Variants in CAGE1 observed in about 807,000 individuals in gnomAD.
CAGE1 encodes cancer antigen 1.
CAGE1 carries 66 observed loss-of-function variants against 94.9 expected under a neutral mutation model. The observed-to-expected ratio is 0.70, with a 90% CI of 0.57 to 0.85. The LOEUF is 0.85. Ranked by LOEUF, CAGE1 falls within the 40% of genes least tolerant of loss-of-function variation. The pLI, the probability that CAGE1 is intolerant of heterozygous loss-of-function variation, is 0.00. For synonymous variants in CAGE1, 319 were observed against 321.0 expected (o/e 0.99, Z 0.07); for missense variants, 865 against 950.4 (o/e 0.91, Z 1.18).
At chr6:7,366,602 G>C (rs928318577) in intron 7 of CAGE1, among the ~76,000 whole-genome samples, 1 of 152,192 alleles carries the variant, frequency 6.6e-6, no homozygotes. Flanking sequence ...AAGAAGCCTC[G>C]CTGGTAGATG....
At chr6:7,383,343 C>T (rs1761006838) in intron 3 of CAGE1, among the ~76,000 whole-genome samples, 1 of 152,202 alleles carries the variant, frequency 6.6e-6, no homozygotes, top group Non-Finnish European at 1.5e-5. Flanking sequence ...TAGAACTTTG[C>T]AGTTCACATG....
At chr6:7,355,263 A>G (rs1216379892) in intron 10 of CAGE1, among the ~76,000 whole-genome samples, 152 bp from the exon 11 acceptor site, 2 of 152,256 alleles carry the variant, frequency 1.3e-5, no homozygotes, top group Non-Finnish European at 2.9e-5. Flanking sequence ...AATCAGGAAC[A>G]TGAAAGAAAA....
At chr6:7,354,970 A>G in intron 11 of CAGE1, 71 bp downstream of exon 11, 5 of 1,160,332 alleles carry the variant, frequency 4.3e-6, no homozygotes, top group South Asian at 2.8e-5. Flanking sequence ...TCTGAAAAAA[A>G]GAATTTAGAA....
chr6:7,369,303 T>G (rs1407043634), intron 6 of CAGE1, among the ~76,000 whole-genome samples: 4 of 152,150 alleles, frequency 2.6e-5, no homozygotes, highest in African/African-American at 9.7e-5. Flanking sequence ...CCACCGCACC[T>G]GGCCGTGCAT....
rs772411113 is a variant in CAGE1 at position 7,329,903 on chromosome 6, A to G, written c.2439-15T>C. ...AGCTTTTTGATCTGTAAGAAATAGAAAGAAAATAATGTAAAAAGGAGGAAG... is the reference window on the plus strand; with the variant it reads ...AGCTTTTTGATCTGTAAGAAATAGAGAGAAAATAATGTAAAAAGGAGGAAG... On this transcript the variant is annotated splice_polypyrimidine_tract_variant and intron_variant, in intron 12 of 13. Coordinates refer to ENST00000502583, the MANE Select transcript of CAGE1 (RefSeq NM_001170692.2). 1 of 1,313,660 alleles carries G rather than the reference A, an allele frequency of 7.6e-7. No homozygotes were observed. Among genetic ancestry groups the G allele is most frequent in the South Asian group, 1.3e-5 (1 of 77,622 alleles). 81.4% of individuals were successfully genotyped at this position (1,313,660 alleles called of 1,614,324 possible).
intron 10 of CAGE1, among the ~76,000 whole-genome samples, chr6:7,355,703 T>C (rs1215983315): frequency 6.6e-6 from 1 of 152,232 alleles, no homozygotes; most frequent in Non-Finnish European, 1.5e-5. Flanking sequence ...AATATTTCTG[T>C]AAGGCAGTTT....
chr6:7,366,622 C>T (rs1363593022), intron 7 of CAGE1, among the ~76,000 whole-genome samples: 2 of 152,224 alleles, frequency 1.3e-5, no homozygotes, highest in South Asian at 4.1e-4. Flanking sequence ...GACACTTCCA[C>T]ACCTGTGGTT....
chr6:7,333,265 C>T (rs1007982397), intron 12 of CAGE1, among the ~76,000 whole-genome samples: 3 of 152,070 alleles, frequency 2.0e-5, no homozygotes, highest in Non-Finnish European at 4.4e-5. Context: ...CTGCTGTGTT[C>T]TTAATCAACC....
chr6:7,381,553 G>A (rs1307336649), intron 3 of CAGE1, among the ~76,000 whole-genome samples: 1 of 139,614 alleles, frequency 7.2e-6, no homozygotes, highest in African/African-American at 2.6e-5. Flanking sequence ...TTTTTTTTGA[G>A]ACAGAGTCTC....
At chr6:7,333,965 GC>G (rs2113347989) in intron 12 of CAGE1, 56 bp downstream of exon 12, 1 of 1,149,796 alleles carries the variant, frequency 8.7e-7, no homozygotes, top group African/African-American at 1.5e-5. Context: ...ACCGCACTTG[GC>G]CATATTACCT....
Position 7,329,830 on chromosome 6 carries a change from G to A in CAGE1, c.2478+19C>T. On this transcript the variant is annotated intron_variant, in intron 13 of 13. Coordinates refer to ENST00000502583, the MANE Select transcript of CAGE1 (RefSeq NM_001170692.2). ...ATGGAAATGTAAGATTCTTTATCATGATCATCAAGGTGACCTACCATGGTC... is the reference window on the plus strand; with the variant it reads ...ATGGAAATGTAAGATTCTTTATCATAATCATCAAGGTGACCTACCATGGTC... The A allele has an allele frequency of 1.6e-6, 2 of 1,261,062 alleles. No homozygotes were observed. Among genetic ancestry groups the A allele is most frequent in the South Asian group, 1.3e-5 (1 of 76,798 alleles). 78.1% of individuals were successfully genotyped at this position (1,261,062 alleles called of 1,614,324 possible). A position where few individuals can be genotyped will look rare whatever the true frequency, so the allele number is the denominator to read the frequency against.
At chr6:7,379,629 G>A (rs1022705855) in intron 3 of CAGE1, among the ~76,000 whole-genome samples, 1 of 152,184 alleles carries the variant, frequency 6.6e-6, no homozygotes, top group African/African-American at 2.4e-5. Flanking sequence ...AAAACAGAAT[G>A]TTACAAATTA....
chr6:7,376,406 A>AAAT (rs1296481121), intron 4 of CAGE1, among the ~76,000 whole-genome samples: 2 of 147,128 alleles, frequency 1.4e-5, no homozygotes, highest in Non-Finnish European at 3.0e-5. Context: ...ATAAATAAAT[A>AAAT]AATAAATAAA....
At chr6:7,354,694 TTGGTG>T (rs1278414479) in intron 11 of CAGE1, among the ~76,000 whole-genome samples, 14 of 152,324 alleles carry the variant, frequency 9.2e-5, no homozygotes, top group African/African-American at 3.4e-4. Context: ...TATGTTTAAT[TTGGTG>T]TGCATTCAAT....
At chr6:7,359,603 G>A (rs1002974124) in intron 9 of CAGE1, among the ~76,000 whole-genome samples, 2 of 152,224 alleles carry the variant, frequency 1.3e-5, no homozygotes, top group African/African-American at 4.8e-5. Flanking sequence ...TTGGAGAGCT[G>A]CTCCCCGGGC....
chr6:7,378,691 CTG>C lies in CAGE1; in HGVS notation c.611_612del (p.Thr204ArgfsTer6), dbSNP rs747063326. The C allele has an allele frequency of 4.9e-5, 79 of 1,612,978 alleles. No individual in the cohort carries two copies. The highest frequency in any genetic ancestry group is 5.9e-5 in the Non-Finnish European group (70 of 1,179,692). ...IHCSGEMLKFTEKSLAKSIAK... is the reference protein window; with the variant it reads ...IHCSGEMLKFXEKSLAKSIAK... The stretch of plus-strand genomic sequence containing the variant: ...GCAATACTTTTAGCCAGTGACTTTT[CTG>C]TAAATTTCAGCATCTCTCCACTGCA... On this transcript the variant is annotated frameshift_variant, in exon 4 of 14. Transcript: ENST00000502583. LOFTEE classifies it high-confidence loss of function.
At chr6:7,328,493 G>A (rs186413887) in intron 13 of CAGE1, among the ~76,000 whole-genome samples, 30 of 150,692 alleles carry the variant, frequency 2.0e-4, no homozygotes, top group African/African-American at 6.4e-4. Flanking sequence ...AAAGAGTTGG[G>A]GAAGAACATA....
chr6:7,329,456 C>A (rs1758667598), intron 13 of CAGE1, among the ~76,000 whole-genome samples: 1 of 152,110 alleles, frequency 6.6e-6, no homozygotes, highest in South Asian at 2.1e-4. Flanking sequence ...TTGGGAACCA[C>A]TGAAGGGCTT....
chr6:7,345,224 A>G (rs1472324980), intron 11 of CAGE1, among the ~76,000 whole-genome samples: 4 of 149,184 alleles, frequency 2.7e-5, no homozygotes, highest in Admixed American at 6.6e-5. Flanking sequence ...AGTATAAGCT[A>G]CCAGCCTACC....
Sources: allele counts gnomAD v4.1 joint callset (sites outside exome capture counted in the v4.1 genomes callset), GRCh38; gene constraint gnomAD v4.1.1; transcripts MANE v1.5; gene names NCBI Gene and HGNC (gene_info 2026-07-23, HGNC 2026-07-21).